Variants in ZEB1 observed in about 807,000 individuals in gnomAD.
The protein encoded by ZEB1 is zinc finger E-box-binding homeobox 1.
Under a neutral mutation model 84.9 loss-of-function variants are expected in ZEB1, and 21 were observed. The ratio of observed to expected loss-of-function variants is 0.25; its 90% CI spans 0.18 to 0.36. The LOEUF (loss-of-function observed/expected upper bound fraction) is 0.36, where lower values mean the gene tolerates loss of function less well. Among genes scored for constraint, ZEB1 ranks in the 10% least tolerant of loss-of-function variants. The pLI, the probability that ZEB1 is intolerant of heterozygous loss-of-function variation, is 1.00. For synonymous variants in ZEB1, 420 were observed against 471.1 expected, an observed-to-expected ratio of 0.89 and a Z score of 1.41; for missense variants, 1,104 against 1,330.2, an observed-to-expected ratio of 0.83 and a Z score of 2.65.
chr10:31,420,241 A>AT (rs372940016), intron 1 of ZEB1, among the ~76,000 whole-genome samples: 1 of 152,144 alleles, frequency 6.6e-6, no homozygotes, highest in African/African-American at 2.4e-5. Context: ...AAATTTAGTG[A>AT]TTTAAACAAC....
intron 4 of ZEB1, among the ~76,000 whole-genome samples, chr10:31,504,682 A>G (rs899053822): frequency 1.3e-5 from 2 of 151,796 alleles, no homozygotes; most frequent in African/African-American, 4.8e-5. Flanking sequence ...TCTTGGGTAA[A>G]TTTATCCCTA....
intron 1 of ZEB1, among the ~76,000 whole-genome samples, chr10:31,444,094 T>G (rs1356942491): frequency 6.6e-6 from 1 of 151,532 alleles, no homozygotes; most frequent in Admixed American, 6.6e-5. Flanking sequence ...GACTTTTTAA[T>G]GACTGCCATT....
intron 1 of ZEB1, among the ~76,000 whole-genome samples, chr10:31,383,112 C>T (rs959495690): frequency 6.7e-6 from 1 of 149,146 alleles, no homozygotes; most frequent in Non-Finnish European, 1.5e-5. Flanking sequence ...ATATAAAATG[C>T]CCAGCTTAAA....
intron 6 of ZEB1, among the ~76,000 whole-genome samples, chr10:31,519,128 G>C (rs1449333122): frequency 6.6e-6 from 1 of 152,156 alleles, no homozygotes; most frequent in Non-Finnish European, 1.5e-5. Flanking sequence ...TTTGCAACCT[G>C]TACTTTGATG....
intron 1 of ZEB1, among the ~76,000 whole-genome samples, chr10:31,327,099 CTTTTTTTTTTTTT>C (rs71527629): frequency 1.2e-5 from 1 of 84,962 alleles, no homozygotes; most frequent in Non-Finnish European, 2.2e-5. Context: ...CTTTTCTTTT[CTTTTTTTTTTTTT>C]TTTTTTTTTG....
At chr10:31,499,732 T>A (rs951633430) in intron 3 of ZEB1, among the ~76,000 whole-genome samples, 1 of 151,574 alleles carries the variant, frequency 6.6e-6, no homozygotes, top group African/African-American at 2.4e-5. Flanking sequence ...GCCATTGCAC[T>A]CCAACCTGGG....
chr10:31,416,589 C>G (rs1055598781), intron 1 of ZEB1, among the ~76,000 whole-genome samples: 1 of 151,954 alleles, frequency 6.6e-6, no homozygotes, highest in Non-Finnish European at 1.5e-5. Context: ...GTCATTCTTC[C>G]TATTAGATAT....
chr10:31,527,405 AATACAAAACAC>A lies in ZEB1; in HGVS notation c.*143_*153del. ...TAAAGTAAAAACTAAAAAAATACAAAATACAAAACACACACACACACACACACACACACACA... is the reference window on the plus strand; with the variant it reads ...TAAAGTAAAAACTAAAAAAATACAAAACACACACACACACACACACACACA... On this transcript the variant is annotated 3_prime_UTR_variant, in exon 9 of 9. Coordinates refer to ENST00000424869, the MANE Select transcript of ZEB1 (RefSeq NM_001174096.2). 2.2e-6 allele frequency: 2 copies of A among 911,184 alleles called. No individual in the cohort carries two copies. The highest frequency in any genetic ancestry group is 3.3e-6 in the Non-Finnish European group (2 of 613,858). The allele number at this position is 911,184 out of a possible 1,614,324, so 56.4% of individuals were successfully genotyped here. A position where few individuals can be genotyped will look rare whatever the true frequency, so the allele number is the denominator to read the frequency against.
At chr10:31,472,038 A>C (rs2063337447) in intron 2 of ZEB1, among the ~76,000 whole-genome samples, 1 of 148,992 alleles carries the variant, frequency 6.7e-6, no homozygotes, top group Admixed American at 6.6e-5. Flanking sequence ...AACATACCAG[A>C]ATCTCTGGGA....
chr10:31,357,131 G>A (rs1398079368), intron 1 of ZEB1, among the ~76,000 whole-genome samples: 1 of 152,128 alleles, frequency 6.6e-6, no homozygotes, highest in Non-Finnish European at 1.5e-5. Context: ...AAGGGAGGAA[G>A]GGAAGGCATA....
chr10:31,511,039 G>T (rs1327073912), intron 5 of ZEB1, among the ~76,000 whole-genome samples, 164 bp downstream of exon 5: 1 of 152,146 alleles, frequency 6.6e-6, no homozygotes, highest in Non-Finnish European at 1.5e-5. Flanking sequence ...TGAGTTATCT[G>T]GTCATTCCTG....
At chr10:31,365,877 A>AGG (rs2044374337) in intron 1 of ZEB1, among the ~76,000 whole-genome samples, 1 of 152,224 alleles carries the variant, frequency 6.6e-6, no homozygotes, top group Non-Finnish European at 1.5e-5. Context: ...TACTGAATAT[A>AGG]GGGAACATAA....
intron 8 of ZEB1, among the ~76,000 whole-genome samples, chr10:31,524,986 A>G (rs911977804): frequency 5.3e-5 from 8 of 152,244 alleles, no homozygotes; most frequent in Admixed American, 5.2e-4. Context: ...TATAGCTCAC[A>G]GGCCAAATGT....
intron 2 of ZEB1, among the ~76,000 whole-genome samples, chr10:31,482,586 G>C (rs894452598): frequency 3.3e-5 from 5 of 151,906 alleles, no homozygotes; most frequent in Admixed American, 2.6e-4. Flanking sequence ...ACACTGCTGT[G>C]ATTATGTCAT....
chr10:31,465,521 T>A (rs1272148807), intron 2 of ZEB1, among the ~76,000 whole-genome samples: 1 of 151,840 alleles, frequency 6.6e-6, no homozygotes, highest in Non-Finnish European at 1.5e-5. Flanking sequence ...CTTAAAACTT[T>A]TCAGAAAACA....
chr10:31,445,963 A>T (rs1394033665), intron 1 of ZEB1, among the ~76,000 whole-genome samples: 1 of 128,072 alleles, frequency 7.8e-6, no homozygotes, highest in East Asian at 2.2e-4. Context: ...CTCTTTTTCT[A>T]TTGATTGGAA....
chr10:31,361,633 A>G (rs1244627863), intron 1 of ZEB1, among the ~76,000 whole-genome samples: 2 of 151,242 alleles, frequency 1.3e-5, no homozygotes, highest in African/African-American at 2.4e-5. Flanking sequence ...CTCCCTTACA[A>G]ATGGTGAGGG....
intron 1 of ZEB1, among the ~76,000 whole-genome samples, chr10:31,392,857 C>G (rs957672876): frequency 5.3e-5 from 8 of 151,690 alleles, no homozygotes; most frequent in Admixed American, 5.3e-4. Context: ...TTGTTTGAGA[C>G]AAGGTCTCAC....
chr10:31,343,085 G>A (rs2039688150), intron 1 of ZEB1, among the ~76,000 whole-genome samples: 1 of 152,072 alleles, frequency 6.6e-6, no homozygotes, highest in South Asian at 2.1e-4. Context: ...CTAGTGGATT[G>A]CATTTATTCT....
Sources: allele counts gnomAD v4.1 joint callset (sites outside exome capture counted in the v4.1 genomes callset), GRCh38; gene constraint gnomAD v4.1.1; transcripts MANE v1.5; gene names NCBI Gene and HGNC (gene_info 2026-07-23, HGNC 2026-07-21).